Variants in LCN8 observed in about 807,000 individuals in gnomAD.
LCN8 encodes lipocalin 8.
A neutral mutation model predicts 22.8 loss-of-function variants in LCN8; 16 were observed. The observed-to-expected ratio is 0.70, with a 90% confidence interval of 0.47 to 1.06. The LOEUF is 1.06. LCN8 is among the 50% of genes least tolerant of loss of function. LCN8 has a pLI of 0.00. For synonymous variants in LCN8, 92 were observed against 83.4 expected, an observed-to-expected ratio of 1.10 and a Z score of -0.56; for missense variants, 189 against 203.3, an observed-to-expected ratio of 0.93 and a Z score of 0.43.
chr9:136,754,913 C>T, intron 6 of LCN8: 1 of 1,376,352 alleles, frequency 7.3e-7, no homozygotes, highest in Non-Finnish European at 9.3e-7. Flanking sequence ...TGCCTGGCAG[C>T]CTAGGGTCAC....
chr9:136,758,467 G>A (rs1022333795), upstream of LCN8: 43 of 991,710 alleles, frequency 4.3e-5, no homozygotes, highest in Non-Finnish European at 5.0e-5. Flanking sequence ...GGCAGTCAGA[G>A]CTCCGGAGGC....
At chr9:136,754,634 C>T in intron 6 of LCN8, 125 bp from the exon 7 acceptor site, 1 of 1,453,818 alleles carries the variant, frequency 6.9e-7, no homozygotes, top group South Asian at 1.4e-5. Flanking sequence ...CACCCAGCTC[C>T]CTGAGCGCCT....
intron 1 of LCN8, 77 bp downstream of exon 1, chr9:136,757,830 C>A: frequency 1.2e-6 from 2 of 1,612,126 alleles, no homozygotes; most frequent in South Asian, 1.1e-5. Flanking sequence ...CTCCCCACAC[C>A]GGGAGAGGCC....
chr9:136,756,061 G>A lies in LCN8; in HGVS notation c.226+461C>T, dbSNP rs528788132. On this transcript the variant is annotated intron_variant, in intron 3 of 6. Coordinates refer to ENST00000371688, the MANE Select transcript of LCN8 (RefSeq NM_178469.4). ...GGAACAGTGCAGGGAGCAGTGCGGG[G>A]AACAGTGCAGGGAGCATTGCAGGGA... The A allele has an allele frequency of 1.7e-4, 221 of 1,301,738 alleles. 1 individual carries two copies. Among genetic ancestry groups the A allele is most frequent in the Non-Finnish European group, 5.9e-5 (59 of 998,424 alleles). 80.6% of individuals were successfully genotyped at this position (1,301,738 alleles called of 1,614,324 possible). A position where few individuals can be genotyped will look rare whatever the true frequency, so the allele number is the denominator to read the frequency against.
chr9:136,754,585 G>A (rs762160713), intron 6 of LCN8, 76 bp from the exon 7 acceptor site: 291 of 1,519,472 alleles, frequency 1.9e-4, no homozygotes, highest in Non-Finnish European at 2.4e-4. Context: ...AGGGCCACAC[G>A]GCGGGACTTC....
upstream of LCN8, chr9:136,758,480 G>C (rs1397438268): frequency 2.0e-6 from 2 of 991,798 alleles, no homozygotes; most frequent in African/African-American, 1.7e-5. Context: ...CCGGAGGCCG[G>C]AGGCACAGCG....
chr9:136,755,420 T>C lies in LCN8; in HGVS notation c.323A>G (p.Lys108Arg). ...CCCAGGGCCAAGCTTACTAAAGTAC[T>C]TGAGGACGCGAAAGTTCCTGCCCCG... is the stretch of plus-strand genomic sequence containing the variant. ...MWRGRNFRVL[K>R]YFTRSLEDKD... The change falls in exon 4 of 7, where the codon AAG (lysine) becomes AGG (arginine). Residue 108 changes from lysine to arginine, a missense_variant. Transcript: ENST00000371688. 1 of 1,611,752 alleles carries C rather than the reference T, an allele frequency of 6.2e-7. No homozygotes were observed. The highest frequency in any genetic ancestry group is 8.5e-7 in the Non-Finnish European group (1 of 1,179,942).
chr9:136,755,157 C>G lies in LCN8; in HGVS notation c.425G>C (p.Arg142Pro), dbSNP rs768446036. ...CACCTCCTTCAGGAGCTCGGCACAC[C>G]GCCCTGCAGGATAGGCCAGCATGAG... The part of the protein sequence containing the change: ...TGLYLAARPG[R>P]CAELLKEELI Residue 142 changes from arginine (R) to proline (P), a missense_variant, in exon 6 of 7, where the codon CGG becomes CCG. Coordinates refer to ENST00000371688, the MANE Select transcript of LCN8 (RefSeq NM_178469.4). The G allele has an allele frequency of 6.3e-7, 1 of 1,594,198 alleles. No individual in the cohort carries two copies. The highest frequency in any genetic ancestry group is 2.2e-5 in the East Asian group (1 of 44,550).
chr9:136,758,370 G>A, upstream of LCN8: 1 of 1,021,090 alleles, frequency 9.8e-7, no homozygotes, highest in Non-Finnish European at 1.2e-6. Context: ...GAGGGCTGTG[G>A]GCACTGATGG....
intron 6 of LCN8, 57 bp downstream of exon 6, chr9:136,755,078 G>A: frequency 6.8e-7 from 1 of 1,464,384 alleles, no homozygotes. Flanking sequence ...CAGGGCCAGG[G>A]ACTGGGCCAG....
chr9:136,754,626 C>G (rs1262552549), intron 6 of LCN8, 117 bp from the exon 7 acceptor site: 1 of 1,470,412 alleles, frequency 6.8e-7, no homozygotes, highest in Non-Finnish European at 9.0e-7. Flanking sequence ...GCGCAAAGCA[C>G]CCAGCTCCCT....
rs371379507 is a variant in LCN8, at chr9:136,754,664, G to A, written c.448-155C>T. On this transcript the variant is annotated intron_variant, in intron 6 of 6. Coordinates refer to ENST00000371688, the MANE Select transcript of LCN8 (RefSeq NM_178469.4). ...GCGCCTTCTCAATCTGCAAAATGGGGTAACAGGCCCAGCCTCTAGGGCCAA... is the reference window on the plus strand; with the variant it reads ...GCGCCTTCTCAATCTGCAAAATGGGATAACAGGCCCAGCCTCTAGGGCCAA... 30 of 1,433,648 alleles carry A rather than the reference G, an allele frequency of 2.1e-5. No individual in the cohort carries two copies. The African/African-American group carries it at 3.9e-4, about 19-fold the overall frequency. The allele number at this position is 1,433,648 out of a possible 1,614,324, so 88.8% of individuals were successfully genotyped here. A position where few individuals can be genotyped will look rare whatever the true frequency, so the allele number is the denominator to read the frequency against.
chr9:136,754,434 G>GGTGCCCAGGAGGGGCACC lies in LCN8; in HGVS notation c.*63_*64insGGTGCCCCTCCTGGGCAC. 6.5e-7 allele frequency: 1 copy of GGTGCCCAGGAGGGGCACC among 1,548,692 alleles called. No homozygotes were observed. The highest frequency in any genetic ancestry group is 1.2e-5 in the South Asian group (1 of 84,052). On this transcript the variant is annotated 3_prime_UTR_variant, in exon 7 of 7. Coordinates refer to ENST00000371688, the MANE Select transcript of LCN8 (RefSeq NM_178469.4). ...CAGGTGCAGGTGACCTGGTGGGCAGGGTGCCCAGGAGGGGCAGGGGTGGGC... is the reference window on the plus strand; with the variant it reads ...CAGGTGCAGGTGACCTGGTGGGCAGGGTGCCCAGGAGGGGCACCGTGCCCAGGAGGGGCAGGGGTGGGC...
At chr9:136,757,649 C>T in intron 1 of LCN8, 2 of 1,425,260 alleles carry the variant, frequency 1.4e-6, no homozygotes, top group Non-Finnish European at 1.8e-6. Context: ...GGGACTTCCG[C>T]TGAGACTTTT....
chr9:136,755,122 G>T lies in LCN8; in HGVS notation c.447+13C>A. Reference sequence around the variant, plus strand: ...GAACTTCAGCACAGGCCAGGGTCGGGGGTCAGGCTCACCTCCTTCAGGAGC... The same window carrying T: ...GAACTTCAGCACAGGCCAGGGTCGGTGGTCAGGCTCACCTCCTTCAGGAGC... On this transcript the variant is annotated intron_variant, in intron 6 of 6. Transcript: ENST00000371688. 2 of 1,556,616 alleles carry T rather than the reference G, an allele frequency of 1.3e-6. No individual in the cohort carries two copies. The highest frequency in any genetic ancestry group is 1.2e-5 in the South Asian group (1 of 83,600).
chr9:136,758,213 C>T lies in LCN8; in HGVS notation c.-283G>A, dbSNP rs1588310559. ...GCCTAGACAGCAGCCTGCCCAGCCA[C>T]CCTCCTGGCATATGGACAGCGGTGG... is the stretch of plus-strand genomic sequence containing the variant. On this transcript the variant is annotated 5_prime_UTR_variant, in exon 1 of 7. It adds an upstream start codon to the 5' untranslated region. Coordinates refer to ENST00000371688, the MANE Select transcript of LCN8 (RefSeq NM_178469.4). 7.2e-7 allele frequency: 1 copy of T among 1,379,972 alleles called. No individual in the cohort carries two copies. The highest frequency in any genetic ancestry group is 9.4e-7 in the Non-Finnish European group (1 of 1,065,714). 85.5% of individuals were successfully genotyped at this position (1,379,972 alleles called of 1,614,324 possible). A position where few individuals can be genotyped will look rare whatever the true frequency, so the allele number is the denominator to read the frequency against.
chr9:136,757,282 T>C, intron 1 of LCN8, 114 bp from the exon 2 acceptor site: 1 of 1,495,072 alleles, frequency 6.7e-7, no homozygotes, highest in South Asian at 1.3e-5. Flanking sequence ...AGCAGATGGC[T>C]GTGAGGCTCG....
chr9:136,756,400 A>C, intron 3 of LCN8, 122 bp downstream of exon 3: 1 of 1,602,934 alleles, frequency 6.2e-7, no homozygotes, highest in Non-Finnish European at 8.5e-7. Flanking sequence ...TGCAGGGAAC[A>C]GCACAGAGAA....
chr9:136,754,696 G>C (rs1250352873), intron 6 of LCN8, 187 bp from the exon 7 acceptor site: 1 of 1,414,266 alleles, frequency 7.1e-7, no homozygotes, highest in East Asian at 2.6e-5. Context: ...CCAAGACAAA[G>C]CGAGGTGAGG....
Sources: allele counts gnomAD v4.1 joint callset, GRCh38; gene constraint gnomAD v4.1.1; transcripts MANE v1.5; gene names NCBI Gene and HGNC (gene_info 2026-07-23, HGNC 2026-07-21).